The following SCN2A variants were observed in gnomAD, a reference collection of about 807,000 sequenced individuals.
SCN2A encodes the protein sodium channel protein type 2 subunit alpha.
In SCN2A, 20 loss-of-function variants were observed where a neutral mutation model predicts 188.7. That is an observed-to-expected ratio of 0.11 (90% CI 0.07 to 0.15). The LOEUF (loss-of-function observed/expected upper bound fraction) is 0.15. Ranked by LOEUF, SCN2A falls within the 10% of genes least tolerant of loss-of-function variation. SCN2A has a pLI of 1.00. For missense variants in SCN2A, 1,278 were observed against 2,445.0 expected (o/e 0.52, Z 10.07); for synonymous variants, 804 against 833.1 (o/e 0.97, Z 0.60).
chr2:165,362,203 C>A (rs1460998169), intron 17 of SCN2A, among the ~76,000 whole-genome samples: 1 of 151,790 alleles, frequency 6.6e-6, no homozygotes, highest in Non-Finnish European at 1.5e-5. Flanking sequence ...TTGAACTGAA[C>A]CTTGGAAAAA....
chr2:165,278,756 C>T (rs916570029), intron 1 of SCN2A, among the ~76,000 whole-genome samples: 2 of 152,058 alleles, frequency 1.3e-5, no homozygotes, highest in African/African-American at 4.8e-5. Flanking sequence ...CATAGTAAAA[C>T]CCCATCTCTA....
chr2:165,342,852 A>C (rs893924519), intron 15 of SCN2A, among the ~76,000 whole-genome samples: 2 of 152,180 alleles, frequency 1.3e-5, no homozygotes, highest in African/African-American at 2.4e-5. Flanking sequence ...GAACTAAAGA[A>C]TTATGGAATT....
At chr2:165,385,262 T>C (rs957316981) in intron 25 of SCN2A, among the ~76,000 whole-genome samples, 11 of 152,058 alleles carry the variant, frequency 7.2e-5, no homozygotes, top group African/African-American at 2.7e-4. Context: ...TAGCAGAGTA[T>C]TAGTCATTCT....
chr2:165,322,667 A>G (rs1337469631), intron 11 of SCN2A, among the ~76,000 whole-genome samples: 1 of 152,182 alleles, frequency 6.6e-6, no homozygotes, highest in African/African-American at 2.4e-5. Context: ...AGCAAGATTA[A>G]TTATATTTCC....
intron 8 of SCN2A, 63 bp from the exon 9 acceptor site, chr2:165,313,557 A>C: frequency 6.3e-7 from 1 of 1,597,518 alleles, no homozygotes; most frequent in Non-Finnish European, 8.6e-7. Flanking sequence ...ATATTAAAAC[A>C]GGAAAACCAA....
chr2:165,315,852 T>A, intron 11 of SCN2A, 94 bp downstream of exon 11: 4 of 1,339,692 alleles, frequency 3.0e-6, no homozygotes, highest in South Asian at 1.3e-5. Flanking sequence ...TCCACCTGGA[T>A]GGCACAATGC....
At chr2:165,283,604 G>A (rs530763268) in intron 1 of SCN2A, among the ~76,000 whole-genome samples, 2 of 152,160 alleles carry the variant, frequency 1.3e-5, no homozygotes, top group Non-Finnish European at 2.9e-5. Context: ...GGGAAACTAT[G>A]TTATTTGTAC....
chr2:165,355,918 G>A (rs1700159257), intron 17 of SCN2A, among the ~76,000 whole-genome samples: 1 of 150,532 alleles, frequency 6.6e-6, no homozygotes, highest in African/African-American at 2.4e-5. Flanking sequence ...AGAATCGCTT[G>A]AACCCAGGAG....
At chr2:165,291,893 G>A (rs189252390) in intron 1 of SCN2A, among the ~76,000 whole-genome samples, 177 of 152,084 alleles carry the variant, frequency 1.2e-3, no homozygotes, top group Non-Finnish European at 1.5e-3. Flanking sequence ...CCTGGACAGA[G>A]TAATTACTTC....
At chr2:165,367,134 A>G (rs915165658) in intron 18 of SCN2A, 83 bp from the exon 19 acceptor site, 2 of 1,287,086 alleles carry the variant, frequency 1.6e-6, no homozygotes, top group Non-Finnish European at 2.2e-6. Context: ...ATCAGGTAAT[A>G]ATGTAAATGA....
At chr2:165,330,685 T>C (rs1698626309) in intron 13 of SCN2A, among the ~76,000 whole-genome samples, 1 of 152,144 alleles carries the variant, frequency 6.6e-6, no homozygotes. Flanking sequence ...TTCCACTTTG[T>C]GAAATGTTGA....
chr2:165,266,840 A>G (rs1419539739), intron 1 of SCN2A: 1 of 152,142 alleles, frequency 6.6e-6, no homozygotes, highest in Admixed American at 6.6e-5. Flanking sequence ...CAAAGTCAAC[A>G]TACAAAAATC....
intron 17 of SCN2A, among the ~76,000 whole-genome samples, chr2:165,356,993 G>A (rs1474855841): frequency 1.3e-5 from 2 of 152,152 alleles, no homozygotes; most frequent in Non-Finnish European, 2.9e-5. Context: ...TTATTTTATT[G>A]CTTGAGTTGT....
intron 11 of SCN2A, among the ~76,000 whole-genome samples, chr2:165,322,354 G>A (rs1396385154): frequency 6.6e-6 from 1 of 152,126 alleles, no homozygotes; most frequent in South Asian, 2.1e-4. Flanking sequence ...GCTGCATCCA[G>A]GAGTTGAAAT....
At chr2:165,304,790 AATG>A (rs1226611551) in intron 3 of SCN2A, among the ~76,000 whole-genome samples, 2 of 152,246 alleles carry the variant, frequency 1.3e-5, no homozygotes, top group Non-Finnish European at 2.9e-5. Context: ...GGGATAATGC[AATG>A]AAGAGAAAAG....
chr2:165,335,436 C>A (rs947601959), intron 14 of SCN2A, among the ~76,000 whole-genome samples: 9 of 151,738 alleles, frequency 5.9e-5, no homozygotes, highest in Non-Finnish European at 1.3e-4. Flanking sequence ...AATTGAAATT[C>A]CAACAGTAAG....
intron 1 of SCN2A, among the ~76,000 whole-genome samples, chr2:165,277,665 C>T (rs546121532): frequency 6.6e-6 from 1 of 152,234 alleles, no homozygotes; most frequent in South Asian, 2.1e-4. Flanking sequence ...CTTCTGAGGG[C>T]CACTTGGATT....
chr2:165,282,476 A>T (rs918808422), intron 1 of SCN2A, among the ~76,000 whole-genome samples: 12 of 152,240 alleles, frequency 7.9e-5, no homozygotes, highest in Admixed American at 6.5e-4. Context: ...GTACAACATT[A>T]AATAGCAAAT....
chr2:165,351,997 A>T (rs1212594609), intron 16 of SCN2A, among the ~76,000 whole-genome samples: 1 of 152,084 alleles, frequency 6.6e-6, no homozygotes, highest in Non-Finnish European at 1.5e-5. Context: ...TTGTAAATAG[A>T]GTATTTGTCC....
Sources: gnomAD v4.1 joint callset for allele counts (sites outside exome capture counted in the v4.1 genomes callset) on GRCh38, gnomAD v4.1.1 for gene constraint, MANE v1.5 for transcripts, NCBI Gene and HGNC (gene_info 2026-07-23, HGNC 2026-07-21) for gene names.